Variants in RHOQ observed in about 807,000 individuals in gnomAD.
RHOQ encodes the protein rho-related GTP-binding protein RhoQ.
Under a neutral mutation model 25.8 loss-of-function variants are expected in RHOQ, and 7 were observed. The observed-to-expected ratio is 0.27, with a 90% CI of 0.15 to 0.51. RHOQ has a LOEUF of 0.51. RHOQ is among the 20% of genes least tolerant of loss of function. The pLI is 0.97. For synonymous variants in RHOQ, 97 were observed against 98.6 expected (o/e 0.98, Z 0.10); for missense variants, 165 against 260.6 (o/e 0.63, Z 2.53).
intron 2 of RHOQ, among the ~76,000 whole-genome samples, chr2:46,572,113 T>TTTTTG (rs1553422145): frequency 1.5e-5 from 2 of 130,796 alleles, no homozygotes; most frequent in South Asian, 2.7e-4. Flanking sequence ...GTGTGTTTTT[T>TTTTTG]TTTTTTTTTT....
intron 2 of RHOQ, among the ~76,000 whole-genome samples, chr2:46,546,519 CATATATATATAT>C (rs1404045435): frequency 0.012 from 470 of 38,082 alleles, 17 homozygotes; most frequent in South Asian, 0.072. Flanking sequence ...TATGTATATA[CATATATATATAT>C]ACACAAATCC....
At chr2:46,579,022 A>G (rs538477006) in intron 4 of RHOQ, among the ~76,000 whole-genome samples, 1 of 152,364 alleles carries the variant, frequency 6.6e-6, no homozygotes, top group African/African-American at 2.4e-5. Flanking sequence ...TTAGAGCTAC[A>G]AAGATGCTGA....
intron 2 of RHOQ, among the ~76,000 whole-genome samples, chr2:46,544,986 G>T (rs1185196669): frequency 6.6e-6 from 1 of 152,212 alleles, no homozygotes; most frequent in South Asian, 2.1e-4. Context: ...TAGAGTTTAG[G>T]TTGGATTCTG....
Position 46,581,698 on chromosome 2 carries a change from A to G in RHOQ, c.*615A>G. The G allele has an allele frequency of 6.9e-7, 1 of 1,449,512 alleles. No homozygotes were observed. Among genetic ancestry groups the G allele is most frequent in the Non-Finnish European group, 9.2e-7 (1 of 1,084,966 alleles). 89.8% of individuals were successfully genotyped at this position (1,449,512 alleles called of 1,614,324 possible). ...ATTAAAGCTTAATGTGCTTTCTTAAAGAATGCCAAAAGTGTAATAAGGTCA... is the reference window on the plus strand; with the variant it reads ...ATTAAAGCTTAATGTGCTTTCTTAAGGAATGCCAAAAGTGTAATAAGGTCA... On this transcript the variant is annotated 3_prime_UTR_variant, in exon 5 of 5. Transcript: ENST00000238738.
In RHOQ at chr2:46,556,799, C is replaced by T. The variant is rs1668422871; in HGVS notation, c.201+12987C>T. Among the ~76,000 whole-genome samples the T allele has an allele frequency of 6.6e-6, 1 of 152,064 alleles. No individual in the cohort carries two copies. The highest frequency in any genetic ancestry group is 6.5e-5 in the Admixed American group (1 of 15,270). On this transcript the variant is annotated intron_variant, in intron 2 of 4. Coordinates refer to ENST00000238738, the MANE Select transcript of RHOQ (RefSeq NM_012249.4). The surrounding 1 kb of genome is among the most constrained non-coding windows in gnomAD (Gnocchi z 4.9). ...GAGTGTTAGAAAGGTGCCCAACTAC[C>T]CGGCTGTTTGACCTGAGCTTCCCAG...
In RHOQ at chr2:46,584,300, T is replaced by C. The variant is rs1011622648; in HGVS notation, c.*3217T>C. On this transcript the variant is annotated 3_prime_UTR_variant, in exon 5 of 5. Coordinates refer to ENST00000238738, the MANE Select transcript of RHOQ (RefSeq NM_012249.4). ...CCTATGTAAACATTTAGGATAATAC[T>C]CTTTCCTCTATTTATGCTGAGAGTC... Among the ~76,000 whole-genome samples the C allele has an allele frequency of 6.6e-6, 1 of 152,164 alleles. No homozygotes were observed. The highest frequency in any genetic ancestry group is 2.4e-5 in the African/African-American group (1 of 41,434).
chr2:46,572,108 T>TGG (rs201408479), intron 2 of RHOQ, among the ~76,000 whole-genome samples: 1 of 78,780 alleles, frequency 1.3e-5, no homozygotes, highest in South Asian at 4.3e-4. Context: ...TAAGTGTGTG[T>TGG]TTTTTTTTTT....
In RHOQ at chr2:46,583,825, C is replaced by T. The variant is rs1669481765; in HGVS notation, c.*2742C>T. ...TGAATTTTGCTAGTGAATACAAATA[C>T]ACTGCCTCAAATAAGGCCATGTATG... On this transcript the variant is annotated 3_prime_UTR_variant, in exon 5 of 5. Transcript: ENST00000238738. Among the ~76,000 whole-genome samples, 1 of 152,126 alleles carries T rather than the reference C, an allele frequency of 6.6e-6. No homozygotes were observed.
intron 2 of RHOQ, chr2:46,560,542 T>C (rs1248798131): frequency 4.4e-6 from 2 of 455,428 alleles, no homozygotes; most frequent in East Asian, 7.0e-5. Context: ...GCAAAGCGAG[T>C]TGGATTTCTG....
rs1466636063 is a variant in RHOQ, at chr2:46,584,110, T to A, written c.*3027T>A. On this transcript the variant is annotated 3_prime_UTR_variant, in exon 5 of 5. Coordinates refer to ENST00000238738, the MANE Select transcript of RHOQ (RefSeq NM_012249.4). ...CTGTTTCCATTTGATTTTTAACTAT[T>A]TAAAATACCAAATTAAATACCAGTT... is the stretch of plus-strand genomic sequence containing the variant. Among the ~76,000 whole-genome samples, 1 of 152,210 alleles carries A rather than the reference T, an allele frequency of 6.6e-6. No individual in the cohort carries two copies. Among genetic ancestry groups the A allele is most frequent in the Non-Finnish European group, 1.5e-5 (1 of 68,006 alleles).
intron 2 of RHOQ, among the ~76,000 whole-genome samples, chr2:46,553,884 T>C (rs1303571660): frequency 2.6e-5 from 4 of 152,116 alleles, no homozygotes; most frequent in Non-Finnish European, 2.9e-5. Flanking sequence ...GCCCTAACTA[T>C]TTTTTTGTAC....
chr2:46,579,197 T>G (rs540319910), intron 4 of RHOQ, among the ~76,000 whole-genome samples: 2 of 152,322 alleles, frequency 1.3e-5, no homozygotes, highest in East Asian at 3.9e-4. Flanking sequence ...TCCTGAAACT[T>G]TCTTCAGTTG....
intron 2 of RHOQ, among the ~76,000 whole-genome samples, chr2:46,560,128 C>A (rs1389899006): frequency 6.6e-6 from 1 of 152,216 alleles, no homozygotes; most frequent in Non-Finnish European, 1.5e-5. Flanking sequence ...AGGCGCTCTT[C>A]TGGTTCCCAT....
At position 46,542,991 on chromosome 2, in the gene RHOQ, C is replaced by A. The variant is rs1667877025; in HGVS notation, c.-56C>A. On this transcript the variant is annotated 5_prime_UTR_variant, in exon 1 of 5. Coordinates refer to ENST00000238738, the MANE Select transcript of RHOQ (RefSeq NM_012249.4). ...CCCCCAGGCGGGCTGGGGCTGAGCCCGGGGCCGGGGCGGGGGCTCCGGGGG... is the reference window on the plus strand; with the variant it reads ...CCCCCAGGCGGGCTGGGGCTGAGCCAGGGGCCGGGGCGGGGGCTCCGGGGG... The A allele has an allele frequency of 1.5e-6, 2 of 1,370,176 alleles. No individual in the cohort carries two copies. Among genetic ancestry groups the A allele is most frequent in the East Asian group, 6.5e-5 (2 of 30,596 alleles). 84.9% of individuals were successfully genotyped at this position (1,370,176 alleles called of 1,614,324 possible). A position where few individuals can be genotyped will look rare whatever the true frequency, so the allele number is the denominator to read the frequency against.
In RHOQ at chr2:46,566,534, AT is replaced by A. The variant is rs1668736990; in HGVS notation, c.202-9552del. Among the ~76,000 whole-genome samples the A allele has an allele frequency of 1.3e-5, 2 of 152,270 alleles. No homozygotes were observed. The highest frequency in any genetic ancestry group is 1.3e-4 in the Admixed American group (2 of 15,298). On this transcript the variant is annotated intron_variant, in intron 2 of 4. Coordinates refer to ENST00000238738, the MANE Select transcript of RHOQ (RefSeq NM_012249.4). This position sits in a 1 kb window ranked among gnomAD's most constrained non-coding sequence, Gnocchi z 4.2. ...ATCTTCTCTCAGCTGAATTACTATA[AT>A]AACCTCTCCCCTTATAAGCCTGACT...
chr2:46,576,802 G>A lies in RHOQ; in HGVS notation c.462+146G>A. On this transcript the variant is annotated intron_variant, in intron 4 of 4. Coordinates refer to ENST00000238738, the MANE Select transcript of RHOQ (RefSeq NM_012249.4). This position sits in a 1 kb window ranked among gnomAD's most constrained non-coding sequence, Gnocchi z 5.1. Reference sequence around the variant, plus strand: ...TTAATCCTTGCATGAACTCAGTGAGGTAGGTCTGTTTCCCCTGTTACACAG... The same window carrying A: ...TTAATCCTTGCATGAACTCAGTGAGATAGGTCTGTTTCCCCTGTTACACAG... 1 of 541,618 alleles carries A rather than the reference G, an allele frequency of 1.8e-6. No individual in the cohort carries two copies. Among genetic ancestry groups the A allele is most frequent in the Non-Finnish European group, 3.3e-6 (1 of 305,612 alleles). 33.6% of individuals were successfully genotyped at this position (541,618 alleles called of 1,614,324 possible).
chr2:46,570,167 G>A (rs939519507), intron 2 of RHOQ, among the ~76,000 whole-genome samples: 7 of 152,186 alleles, frequency 4.6e-5, no homozygotes, highest in South Asian at 2.1e-4. Context: ...CAGGCCAGGC[G>A]TGGTGGCTCA....
intron 2 of RHOQ, among the ~76,000 whole-genome samples, chr2:46,550,171 T>A (rs775336100): frequency 3.3e-5 from 5 of 151,370 alleles, no homozygotes; most frequent in Non-Finnish European, 7.4e-5. Context: ...AATTCAAAGC[T>A]GCAGTGAGCT....
chr2:46,561,300 G>A (rs1274940771), intron 2 of RHOQ, among the ~76,000 whole-genome samples: 1 of 151,972 alleles, frequency 6.6e-6, no homozygotes, highest in Admixed American at 6.6e-5. Context: ...GTGAGTAGCT[G>A]GTATGTGTGT....
Sources: allele counts gnomAD v4.1 joint callset (sites outside exome capture counted in the v4.1 genomes callset), GRCh38; gene constraint gnomAD v4.1.1; non-coding constraint Gnocchi (gnomAD v3.1); transcripts MANE v1.5; gene names NCBI Gene and HGNC (gene_info 2026-07-23, HGNC 2026-07-21).